The following COQ8B variants were observed in gnomAD, a reference collection of about 807,000 sequenced individuals.
COQ8B encodes the protein atypical kinase COQ8B, mitochondrial.
COQ8B carries 44 observed loss-of-function variants against 62.0 expected under a neutral mutation model. The ratio of observed to expected loss-of-function variants is 0.71; its 90% CI spans 0.56 to 0.91. The LOEUF is 0.91. COQ8B is among the 40% of genes least tolerant of loss of function. COQ8B has a pLI of 0.00. For missense variants in COQ8B, 649 were observed against 731.6 expected (o/e 0.89, Z 1.30); for synonymous variants, 252 against 289.9 (o/e 0.87, Z 1.33).
chr19:40,714,170 G>C (rs1234454798), intron 3 of COQ8B, 37 bp from the exon 4 acceptor site: 2 of 1,613,682 alleles, frequency 1.2e-6, no homozygotes, highest in African/African-American at 1.3e-5. Context: ...GTGGGAAAGT[G>C]GGCATCGTGG....
At chr19:40,699,539 G>A (rs913998377) in intron 12 of COQ8B, among the ~76,000 whole-genome samples, 3 of 152,152 alleles carry the variant, frequency 2.0e-5, no homozygotes, top group African/African-American at 7.2e-5. Context: ...TCTTTTTATT[G>A]CTGTCAAGAG....
chr19:40,711,914 C>T (rs191434905), intron 4 of COQ8B, among the ~76,000 whole-genome samples: 3 of 152,270 alleles, frequency 2.0e-5, no homozygotes, highest in African/African-American at 7.2e-5. Flanking sequence ...CGTCACAAAG[C>T]GAGGACACAG....
chr19:40,702,631 G>C lies in COQ8B; in HGVS notation c.862C>G (p.Arg288Gly). ...TTCTGGGCACAAGCCGCCTCACGAC[G>C]GTAGTCACACTCCCAAGCCAGCTCC... ...QQELAWECDY[R>G]REAACAQNFR... is the part of the protein sequence containing the mutation. Residue 288 changes from arginine to glycine, a missense_variant, in exon 10 of 15, where the codon CGT becomes GGT. Physicochemically the swap from Arg to Gly is moderately radical, Grantham distance 125. Transcript: ENST00000324464. The C allele has an allele frequency of 4.3e-6, 7 of 1,612,610 alleles. No homozygotes were observed. The highest frequency in any genetic ancestry group is 5.9e-6 in the Non-Finnish European group (7 of 1,179,984).
chr19:40,702,777 CTCCCGCGCTG>C lies in COQ8B; in HGVS notation c.800-94_800-85del, dbSNP rs2082070560. On this transcript the variant is annotated intron_variant, in intron 9 of 14. Transcript: ENST00000324464. ...CTCCTGCCAACCCTCTCTCTCCTGT[CTCCCGCGCTG>C]TCCCTCACAGCTCCTACTCTAGGCC... The C allele has an allele frequency of 1.2e-5, 16 of 1,294,980 alleles. No individual in the cohort carries two copies. In the South Asian group the frequency reaches 1.9e-4, roughly 16 times the overall value. The allele number at this position is 1,294,980 out of a possible 1,614,324, so 80.2% of individuals were successfully genotyped here.
intron 12 of COQ8B, among the ~76,000 whole-genome samples, chr19:40,698,817 A>G (rs1417898841): frequency 6.6e-6 from 1 of 152,126 alleles, no homozygotes; most frequent in African/African-American, 2.4e-5. Context: ...TGGGGACAAA[A>G]TGGGGATAGA....
At chr19:40,695,934 G>A in intron 13 of COQ8B, 55 bp downstream of exon 13, 1 of 1,560,486 alleles carries the variant, frequency 6.4e-7, no homozygotes, top group Non-Finnish European at 8.8e-7. Context: ...CTCTGCCTCA[G>A]TATATGGCTT....
rs766819473 is a variant in COQ8B at position 40,710,080 on chromosome 19, G to A, written c.346C>T (p.Pro116Ser). 2 of 1,613,868 alleles carry A rather than the reference G, an allele frequency of 1.2e-6. No individual in the cohort carries two copies. The highest frequency in any genetic ancestry group is 1.1e-5 in the South Asian group (1 of 91,080). Residue 116 changes from proline to serine, a missense_variant, in exon 5 of 15, where the codon CCA (proline) becomes TCA (serine). By Grantham distance (74) the Pro-to-Ser change is moderately conservative. Transcript: ENST00000324464. ...VLAEMAKKSM[P>S]GGRLQSEGGS... ...TCACCTGACTGCAGACGACCTCCTG[G>A]CATGGACTTCTTAGCCATCTCGGCC...
At chr19:40,710,187 G>C in intron 4 of COQ8B, 51 bp from the exon 5 acceptor site, 1 of 1,523,754 alleles carries the variant, frequency 6.6e-7, no homozygotes, top group Non-Finnish European at 9.1e-7. Flanking sequence ...GGTGCCCCCA[G>C]CCTAACCCAC....
At chr19:40,710,188 C>G in intron 4 of COQ8B, 52 bp from the exon 5 acceptor site, 1 of 1,500,342 alleles carries the variant, frequency 6.7e-7, no homozygotes. Flanking sequence ...GTGCCCCCAG[C>G]CTAACCCACT....
chr19:40,699,125 CTTT>C (rs573613673), intron 12 of COQ8B, among the ~76,000 whole-genome samples: 44 of 144,780 alleles, frequency 3.0e-4, no homozygotes, highest in Admixed American at 7.6e-4. Flanking sequence ...CTGGTCTCAG[CTTT>C]TTTTTTTTTT....
In COQ8B at chr19:40,695,308, ACT is replaced by A. The variant is rs1255882489; in HGVS notation, c.1209+679_1209+680del. On this transcript the variant is annotated intron_variant, in intron 13 of 14. Coordinates refer to ENST00000324464, the MANE Select transcript of COQ8B (RefSeq NM_024876.4). ...ACTCCAGCCTGGGCGACAGAGCAAG[ACT>A]CTGTCTCAATTAAAAAAAAAAAAAA... 2.0e-5 allele frequency among the ~76,000 whole-genome samples: 3 copies of A among 150,848 alleles called. No homozygotes were observed. In the East Asian group the frequency reaches 5.8e-4, roughly 29 times the overall value.
In COQ8B at chr19:40,696,070, G is replaced by A. The variant is rs1568437144; in HGVS notation, c.1144-16C>T. Reference sequence around the variant, plus strand: ...GCAGGGTCACCTGGAAGCAAGGAATGGTGAAAGGAATGCTGGGATCCCATT... The same window carrying A: ...GCAGGGTCACCTGGAAGCAAGGAATAGTGAAAGGAATGCTGGGATCCCATT... On this transcript the variant is annotated splice_polypyrimidine_tract_variant and intron_variant, in intron 12 of 14. Transcript: ENST00000324464. 6.2e-7 allele frequency: 1 copy of A among 1,613,460 alleles called. No homozygotes were observed. Among genetic ancestry groups the A allele is most frequent in the Non-Finnish European group, 8.5e-7 (1 of 1,179,606 alleles).
chr19:40,692,420 A>G lies in COQ8B; in HGVS notation c.1297-47T>C, dbSNP rs527942376. ...GAGCAAAGGCAGCCAGTGTGGACATAGAGCCCTCTGCATAACCCAGAAACA... is the reference window on the plus strand; with the variant it reads ...GAGCAAAGGCAGCCAGTGTGGACATGGAGCCCTCTGCATAACCCAGAAACA... On this transcript the variant is annotated intron_variant, in intron 14 of 14. Transcript: ENST00000324464. The G allele has an allele frequency of 2.9e-5, 46 of 1,562,422 alleles. 1 individual carries two copies. In the South Asian group the frequency reaches 4.6e-4, roughly 16 times the overall value.
chr19:40,703,630 G>C lies in COQ8B; in HGVS notation c.718-8C>G, dbSNP rs78137400. The C allele has an allele frequency of 3.1e-3, 4,996 of 1,613,154 alleles. 156 individuals are homozygous for C. In the African/African-American group the frequency reaches 0.059, roughly 19 times the overall value. On this transcript the variant is annotated splice_polypyrimidine_tract_variant and splice_region_variant and intron_variant, in intron 8 of 14. Transcript: ENST00000324464. ...CTGGGCTATGCCGGGGTACTGTAAA[G>C]GGAGAAGGGAGGGAGAGAAGGTGGG...
rs568595672 is a variant in COQ8B, at chr19:40,700,599, G to A, written c.894-148C>T. 209 of 982,602 alleles carry A rather than the reference G, an allele frequency of 2.1e-4. 1 individual carries two copies. The highest frequency in any genetic ancestry group is 1.2e-3 in the South Asian group (72 of 60,540). The allele number at this position is 982,602 out of a possible 1,614,324, so 60.9% of individuals were successfully genotyped here. ...CCCATCTCTTGCTGCTGTCTGCCCT[G>A]GGTGATGACCAACACCTGGCTGGAC... On this transcript the variant is annotated intron_variant, in intron 10 of 14. Transcript: ENST00000324464.
chr19:40,705,072 C>T (rs1182595228), intron 7 of COQ8B, 24 bp downstream of exon 7: 30 of 1,579,062 alleles, frequency 1.9e-5, no homozygotes, highest in East Asian at 6.9e-5. Context: ...CCTCCCTCAC[C>T]GCCCTCCCCC....
Position 40,693,011 on chromosome 19 carries a change from G to C in COQ8B, c.1236C>G (p.Asp412Glu). The C allele has an allele frequency of 1.9e-6, 3 of 1,613,986 alleles. No individual in the cohort carries two copies. Among genetic ancestry groups the C allele is most frequent in the Admixed American group, 3.3e-5 (2 of 60,014 alleles). The change falls in exon 14 of 15, where the codon GAC becomes GAG. Residue 412 changes from aspartate to glutamate, a missense_variant. Physicochemically the swap from Asp to Glu is conservative, Grantham distance 45. Coordinates refer to ENST00000324464, the MANE Select transcript of COQ8B (RefSeq NM_024876.4). ...TGGACTTCTGCAGGACACAGTCTCT[G>C]TCTCCATCAGCTGCAGCCTTCACCA... ...IEVVKAAADG[D>E]RDCVLQKSRD...
Position 40,696,209 on chromosome 19 carries a change from C to T in COQ8B, c.1144-155G>A, listed in dbSNP as rs944131027. Among the ~76,000 whole-genome samples, 6 of 152,206 alleles carry T rather than the reference C, an allele frequency of 3.9e-5. No individual in the cohort carries two copies. The Middle Eastern group carries it at 0.01, about 259-fold the overall frequency. On this transcript the variant is annotated intron_variant, in intron 12 of 14. Coordinates refer to ENST00000324464, the MANE Select transcript of COQ8B (RefSeq NM_024876.4). ...TCACTGGGCTCCTGGCCTCATCTCC[C>T]GTTTCCAACCGACCCCCTAGCTGAA...
rs929705930 is a variant in COQ8B, at chr19:40,692,823, T to G, written c.1296+128A>C. ...CTCCCTAGTGGAGACAAGCCCCTCC[T>G]AGAGTCCCCCAGTCCCCGGGTATCG... On this transcript the variant is annotated intron_variant, in intron 14 of 14. Transcript: ENST00000324464. The G allele has an allele frequency of 3.1e-5, 23 of 744,990 alleles. No homozygotes were observed. In the Admixed American group the frequency reaches 5.7e-4, roughly 19 times the overall value. 46.1% of individuals were successfully genotyped at this position (744,990 alleles called of 1,614,324 possible).
Sources: allele counts gnomAD v4.1 joint callset (sites outside exome capture counted in the v4.1 genomes callset), GRCh38; gene constraint gnomAD v4.1.1; transcripts MANE v1.5; gene names NCBI Gene and HGNC (gene_info 2026-07-23, HGNC 2026-07-21).